The following USP45 variants were observed in gnomAD, a reference collection of about 807,000 sequenced individuals.
USP45 encodes the protein ubiquitin specific peptidase 45, also known as ubiquitin carboxyl-terminal hydrolase 45.
Under a neutral mutation model 95.8 loss-of-function variants are expected in USP45, and 89 were observed. The observed-to-expected ratio is 0.93, with a 90% CI of 0.78 to 1.11. USP45 has a LOEUF of 1.11. Among genes scored for constraint, USP45 ranks in the 50% least tolerant of loss-of-function variants. The probability of loss-of-function intolerance (pLI) is 0.00; values close to 1 mark genes in which losing one functional copy is unlikely to be tolerated. For missense variants in USP45, 898 were observed against 942.5 expected (o/e 0.95, Z 0.62); for synonymous variants, 281 against 316.2 (o/e 0.89, Z 1.18).
At chr6:99,494,589 T>A (rs1421446384) in intron 5 of USP45, among the ~76,000 whole-genome samples, 1 of 152,132 alleles carries the variant, frequency 6.6e-6, no homozygotes, top group Non-Finnish European at 1.5e-5. Context: ...ATCCTATAAC[T>A]ATCTTTTTAA....
At chr6:99,485,984 G>A (rs1017623689) in intron 7 of USP45, among the ~76,000 whole-genome samples, 1 of 152,112 alleles carries the variant, frequency 6.6e-6, no homozygotes, top group Non-Finnish European at 1.5e-5. Context: ...ATGTCCTCAA[G>A]CTTACAAAGA....
intron 5 of USP45, among the ~76,000 whole-genome samples, chr6:99,501,417 T>C (rs903286870): frequency 6.6e-6 from 1 of 152,198 alleles, no homozygotes; most frequent in African/African-American, 2.4e-5. Flanking sequence ...GACCAGCTCA[T>C]CTACCTCGTA....
At chr6:99,459,390 C>G (rs760549434) in intron 13 of USP45, among the ~76,000 whole-genome samples, 15 of 152,074 alleles carry the variant, frequency 9.9e-5, no homozygotes, top group Non-Finnish European at 1.8e-4. Flanking sequence ...TGTCACTGAT[C>G]AGCATTTAGG....
At chr6:99,511,128 G>C (rs1209522360) in intron 1 of USP45, among the ~76,000 whole-genome samples, 1 of 151,928 alleles carries the variant, frequency 6.6e-6, no homozygotes, top group Non-Finnish European at 1.5e-5. Flanking sequence ...AAAGTTAAAA[G>C]AACAGTATAA....
chr6:99,476,404 G>A (rs916813466), intron 8 of USP45, among the ~76,000 whole-genome samples, 174 bp from the exon 9 acceptor site: 1 of 152,114 alleles, frequency 6.6e-6, no homozygotes, highest in Non-Finnish European at 1.5e-5. Flanking sequence ...TCAGGAGTTC[G>A]AGACCAGCCT....
chr6:99,499,969 G>A (rs554408769), intron 5 of USP45, among the ~76,000 whole-genome samples: 2 of 152,236 alleles, frequency 1.3e-5, no homozygotes, highest in Admixed American at 1.3e-4. Flanking sequence ...TAAAGATTTA[G>A]TGACTGTCTT....
intron 8 of USP45, among the ~76,000 whole-genome samples, chr6:99,481,600 G>A (rs908661967): frequency 2.6e-5 from 4 of 152,128 alleles, no homozygotes; most frequent in African/African-American, 4.8e-5. Flanking sequence ...TCCGGAGTAC[G>A]AATGATCCCG....
intron 11 of USP45, among the ~76,000 whole-genome samples, chr6:99,465,343 T>C (rs968241609): frequency 5.0e-4 from 76 of 152,310 alleles, no homozygotes; most frequent in Admixed American, 3.8e-3. Flanking sequence ...GGTGATCCAA[T>C]TGAATTTTAT....
intron 8 of USP45, 136 bp from the exon 9 acceptor site, chr6:99,476,366 G>C: frequency 1.3e-6 from 1 of 774,872 alleles, no homozygotes; most frequent in Non-Finnish European, 2.0e-6. Flanking sequence ...CCCAGCATTT[G>C]GGAGGCCAAG....
chr6:99,507,613 T>C (rs1798824736), intron 3 of USP45, 82 bp from the exon 4 acceptor site: 1 of 931,072 alleles, frequency 1.1e-6, no homozygotes, highest in African/African-American at 1.7e-5. Flanking sequence ...TACTCACACT[T>C]ATACTGAAAA....
upstream of USP45, among the ~76,000 whole-genome samples, chr6:99,516,133 A>T (rs1801091007): frequency 6.7e-6 from 1 of 149,234 alleles, no homozygotes; most frequent in Non-Finnish European, 1.5e-5. Context: ...AACATTCGTC[A>T]TATATTATTG....
chr6:99,439,661 C>T, intron 16 of USP45, 108 bp downstream of exon 16: 1 of 729,070 alleles, frequency 1.4e-6, no homozygotes, highest in Non-Finnish European at 2.0e-6. Flanking sequence ...TTAAAATTCC[C>T]TTTCAGAAGA....
chr6:99,515,012 A>G (rs1414983849), intron 1 of USP45: 1 of 152,340 alleles, frequency 6.6e-6, no homozygotes, highest in Non-Finnish European at 1.5e-5. Context: ...CGCTTCCAGA[A>G]AAGTCATTAG....
intron 8 of USP45, among the ~76,000 whole-genome samples, chr6:99,481,550 G>A (rs1583274518): frequency 1.3e-5 from 2 of 152,298 alleles, no homozygotes. Flanking sequence ...AGGGGTACAT[G>A]TGCAGGTTTG....
intron 10 of USP45, 51 bp from the exon 11 acceptor site, chr6:99,466,814 G>T: frequency 7.2e-7 from 1 of 1,379,684 alleles, no homozygotes; most frequent in Non-Finnish European, 1.0e-6. Flanking sequence ...CATCCATCTA[G>T]CAGTATAATA....
rs141530234 is a variant in USP45, at chr6:99,441,468, G to T, written c.2074-1613C>A. Among the ~76,000 whole-genome samples, 32 of 151,794 alleles carry T rather than the reference G, an allele frequency of 2.1e-4. No individual in the cohort carries two copies. The East Asian group carries it at 6.0e-3, about 29-fold the overall frequency. On this transcript the variant is annotated intron_variant, in intron 15 of 17. Coordinates refer to ENST00000500704, the MANE Select transcript of USP45 (RefSeq NM_001346022.3). Reference sequence around the variant, plus strand: ...AATCACTTGAACCCAGGAGGCGGAGGTTGCAGTGAGCCGAGATCGCGCCAT... The same window carrying T: ...AATCACTTGAACCCAGGAGGCGGAGTTTGCAGTGAGCCGAGATCGCGCCAT...
chr6:99,513,105 TGCA>T (rs1441802785), intron 1 of USP45, among the ~76,000 whole-genome samples: 2 of 152,044 alleles, frequency 1.3e-5, no homozygotes, highest in African/African-American at 2.4e-5. Context: ...GTACAAAGAG[TGCA>T]GCATTACATG....
chr6:99,460,845 A>G, intron 13 of USP45: 1 of 980,426 alleles, frequency 1.0e-6, no homozygotes, highest in Non-Finnish European at 1.2e-6. Context: ...AAGAAAACAG[A>G]GGAAATAAGA....
chr6:99,461,497 G>A (rs754340508), intron 13 of USP45: 286 of 985,236 alleles, frequency 2.9e-4, no homozygotes, highest in Non-Finnish European at 3.3e-4. Flanking sequence ...TAGTTTTACA[G>A]TGCTTTATTT....
Sources: gnomAD v4.1 joint callset for allele counts (sites outside exome capture counted in the v4.1 genomes callset) on GRCh38, gnomAD v4.1.1 for gene constraint, MANE v1.5 for transcripts, NCBI Gene and HGNC (gene_info 2026-07-23, HGNC 2026-07-21) for gene names.